SNTG1: variants seen among roughly 807,000 people sequenced by gnomAD.
SNTG1 encodes syntrophin gamma 1.
In SNTG1, 39 loss-of-function variants were observed where a neutral mutation model predicts 74.7. The ratio of observed to expected loss-of-function variants is 0.52; its 90% CI spans 0.40 to 0.68. The LOEUF is 0.68. Among genes scored for constraint, SNTG1 ranks in the 30% least tolerant of loss-of-function variants. SNTG1 has a pLI of 0.00. For missense variants in SNTG1, 685 were observed against 609.5 expected (o/e 1.12, Z -1.30); for synonymous variants, 254 against 217.1 (o/e 1.17, Z -1.49).
chr8:50,426,297 G>A (rs932954133), intron 4 of SNTG1, among the ~76,000 whole-genome samples: 2 of 152,060 alleles, frequency 1.3e-5, no homozygotes, highest in African/African-American at 4.8e-5. Context: ...CAGCAATAAT[G>A]ATATTTGGTC....
At chr8:50,555,161 A>G (rs1031212882) in intron 12 of SNTG1, among the ~76,000 whole-genome samples, 1 of 152,160 alleles carries the variant, frequency 6.6e-6, no homozygotes, top group Non-Finnish European at 1.5e-5. Context: ...CATCCTTGTA[A>G]TAAGTGCTCA....
At chr8:50,221,627 T>C (rs139196874) in intron 2 of SNTG1, among the ~76,000 whole-genome samples, 10 of 152,076 alleles carry the variant, frequency 6.6e-5, no homozygotes, top group African/African-American at 2.4e-4. Context: ...TGGTAGAAGA[T>C]TGCAGTATAT....
intron 2 of SNTG1, among the ~76,000 whole-genome samples, chr8:50,215,525 T>G (rs1393332549): frequency 6.7e-6 from 1 of 149,282 alleles, no homozygotes; most frequent in Non-Finnish European, 1.5e-5. Context: ...TGAGATTAGT[T>G]TAAGATATCC....
chr8:50,195,379 A>G (rs747654558), intron 2 of SNTG1, among the ~76,000 whole-genome samples: 33 of 152,010 alleles, frequency 2.2e-4, no homozygotes, highest in Non-Finnish European at 4.0e-4. Flanking sequence ...TCCAGCTGTG[A>G]AAGAAAAGGG....
intron 9 of SNTG1, among the ~76,000 whole-genome samples, chr8:50,512,345 A>C (rs1257754725): frequency 5.3e-5 from 8 of 151,014 alleles, no homozygotes; most frequent in Non-Finnish European, 2.9e-5. Flanking sequence ...GGCTGCCCTT[A>C]ACATTTTTTC....
rs184009380 is a variant in SNTG1 at position 50,384,645 on chromosome 8, A to G, written c.-27-9567A>G. Among the ~76,000 whole-genome samples the G allele has an allele frequency of 2.2e-3, 329 of 152,260 alleles. 3 individuals are homozygous for G. Among genetic ancestry groups the G allele is most frequent in the Middle Eastern group, 0.01 (3 of 294 alleles). On this transcript the variant is annotated intron_variant, in intron 2 of 18. Transcript: ENST00000642720. ...TGTTGGCCTTGGTGAGTGGAAGTCC[A>G]TGTTGCACCTGCATATTGTGCAGAA... is the stretch of plus-strand genomic sequence containing the variant.
In SNTG1 at chr8:50,120,585, CCACA is replaced by C. The variant is rs1000612345; in HGVS notation, c.-102-51975_-102-51972del. 2.2e-4 allele frequency among the ~76,000 whole-genome samples: 10 copies of C among 45,958 alleles called. No homozygotes were observed. In the Admixed American group the frequency reaches 2.4e-3, roughly 11 times the overall value. 30.2% of individuals were successfully genotyped at this position (45,958 alleles called of 152,430 possible). On this transcript the variant is annotated intron_variant, in intron 1 of 18. Coordinates refer to ENST00000642720, the MANE Select transcript of SNTG1 (RefSeq NM_018967.5). ...ACCACTACTAGTACCACTACTACCA[CCACA>C]AACTACTACTCATTATTACTGCCAT...
chr8:50,572,258 T>TTA (rs778113467), intron 12 of SNTG1, among the ~76,000 whole-genome samples: 304 of 93,090 alleles, frequency 3.3e-3, no homozygotes, highest in Middle Eastern at 9.3e-3. Flanking sequence ...ATCACCTATT[T>TTA]TATATATATA....
intron 1 of SNTG1, among the ~76,000 whole-genome samples, chr8:49,947,007 A>G (rs1809250136): frequency 1.3e-5 from 2 of 152,224 alleles, no homozygotes; most frequent in African/African-American, 4.8e-5. Flanking sequence ...AAGAGTAAAA[A>G]GAGCAATTTT....
intron 1 of SNTG1, among the ~76,000 whole-genome samples, chr8:49,998,830 T>C (rs866793031): frequency 1.8e-4 from 28 of 152,266 alleles, no homozygotes; most frequent in Middle Eastern, 3.4e-3. Context: ...GTAGAAGTAA[T>C]AATGATAGAT....
chr8:50,328,735 C>A (rs919718256), intron 2 of SNTG1, among the ~76,000 whole-genome samples: 1 of 152,116 alleles, frequency 6.6e-6, no homozygotes, highest in African/African-American at 2.4e-5. Flanking sequence ...GGACACAGAA[C>A]CAAACGATAT....
intron 17 of SNTG1, among the ~76,000 whole-genome samples, chr8:50,710,352 C>T (rs1023282149): frequency 6.6e-6 from 1 of 151,704 alleles, no homozygotes; most frequent in African/African-American, 2.4e-5. Flanking sequence ...TTAAAATGTT[C>T]ATCAAATCAA....
At chr8:50,304,782 G>C (rs78840993) in intron 2 of SNTG1, among the ~76,000 whole-genome samples, 1 of 152,120 alleles carries the variant, frequency 6.6e-6, no homozygotes, top group African/African-American at 2.4e-5. Flanking sequence ...TCCACCATCG[G>C]ATAGAATTTG....
chr8:50,396,726 T>G (rs1000797992), intron 3 of SNTG1, among the ~76,000 whole-genome samples: 1 of 152,206 alleles, frequency 6.6e-6, no homozygotes, highest in South Asian at 2.1e-4. Context: ...CCTTAAATTT[T>G]AAAGTTTCAT....
chr8:50,168,421 T>C (rs754780329), intron 1 of SNTG1, among the ~76,000 whole-genome samples: 30 of 152,176 alleles, frequency 2.0e-4, no homozygotes, highest in Non-Finnish European at 4.0e-4. Context: ...AGAAAATATG[T>C]ACCTCTCATC....
chr8:50,532,157 T>C (rs1488041642), intron 10 of SNTG1, among the ~76,000 whole-genome samples: 1 of 152,174 alleles, frequency 6.6e-6, no homozygotes, highest in Non-Finnish European at 1.5e-5. Context: ...GGATTGAACA[T>C]TCTTTTGACA....
chr8:50,773,573 C>A (rs2095632635), intron 18 of SNTG1, among the ~76,000 whole-genome samples: 1 of 152,086 alleles, frequency 6.6e-6, no homozygotes, highest in South Asian at 2.1e-4. Flanking sequence ...CAGAAATAGT[C>A]TGTTTCCTAT....
intron 9 of SNTG1, among the ~76,000 whole-genome samples, chr8:50,519,351 T>G (rs1220641331): frequency 1.3e-5 from 2 of 152,192 alleles, no homozygotes; most frequent in East Asian, 3.9e-4. Flanking sequence ...AATATCATAC[T>G]GAATGGGCAA....
At chr8:50,372,500 C>A (rs915868742) in intron 2 of SNTG1, among the ~76,000 whole-genome samples, 2 of 152,098 alleles carry the variant, frequency 1.3e-5, no homozygotes, top group East Asian at 1.9e-4. Flanking sequence ...TGATACTTTG[C>A]ATCTTTCTTT....
Sources: gnomAD v4.1 joint callset for allele counts (sites outside exome capture counted in the v4.1 genomes callset) on GRCh38, gnomAD v4.1.1 for gene constraint, MANE v1.5 for transcripts, NCBI Gene and HGNC (gene_info 2026-07-23, HGNC 2026-07-21) for gene names.